The following MACROD2 variants were observed in gnomAD, a reference collection of about 807,000 sequenced individuals.
MACROD2 encodes the protein ADP-ribose glycohydrolase MACROD2.
MACROD2 carries 36 observed loss-of-function variants against 70.4 expected under a neutral mutation model. The observed-to-expected ratio is 0.51, with a 90% confidence interval of 0.39 to 0.68. The LOEUF is 0.68. Ranked by LOEUF, MACROD2 falls within the 30% of genes least tolerant of loss-of-function variation. The pLI is 0.00. For missense variants in MACROD2, 496 were observed against 538.4 expected, an observed-to-expected ratio of 0.92 and a Z score of 0.78; for synonymous variants, 172 against 178.8, an observed-to-expected ratio of 0.96 and a Z score of 0.30.
In MACROD2 at chr20:14,968,642, G is replaced by A. The variant is rs528896770; in HGVS notation, c.419-261298G>A. ...GAAGGGCTTGTTCAAGCACAGACTGGGGGGCTCCACCCCCAGAGTTTCTGA... is the reference window on the plus strand; with the variant it reads ...GAAGGGCTTGTTCAAGCACAGACTGAGGGGCTCCACCCCCAGAGTTTCTGA... On this transcript the variant is annotated intron_variant, in intron 5 of 17. Transcript: ENST00000684519. 2.6e-5 allele frequency among the ~76,000 whole-genome samples: 4 copies of A among 152,288 alleles called. No individual in the cohort carries two copies. In the East Asian group the frequency reaches 7.7e-4, roughly 29 times the overall value.
chr20:15,452,555 T>G (rs1044581322), intron 7 of MACROD2, among the ~76,000 whole-genome samples: 1 of 152,132 alleles, frequency 6.6e-6, no homozygotes, highest in Non-Finnish European at 1.5e-5. Flanking sequence ...GAGTCTCTCT[T>G]CTCTCCCATC....
At chr20:15,445,911 A>G (rs147562684) in intron 7 of MACROD2, among the ~76,000 whole-genome samples, 13 of 152,266 alleles carry the variant, frequency 8.5e-5, no homozygotes, top group African/African-American at 2.9e-4. Context: ...GAATCAGACA[A>G]TCATGAACCC....
intron 5 of MACROD2, among the ~76,000 whole-genome samples, chr20:14,859,832 A>T (rs2073295487): frequency 6.6e-6 from 1 of 152,140 alleles, no homozygotes; most frequent in South Asian, 2.1e-4. Context: ...AATAATTGTC[A>T]TTCTCAGTTC....
chr20:14,776,069 A>C (rs1461439827), intron 5 of MACROD2, among the ~76,000 whole-genome samples: 6 of 151,992 alleles, frequency 3.9e-5, no homozygotes, highest in African/African-American at 1.2e-4. Context: ...GAAGAACCAG[A>C]TATTGCCATG....
chr20:14,007,976 T>A (rs2052845909), intron 2 of MACROD2, among the ~76,000 whole-genome samples: 1 of 152,174 alleles, frequency 6.6e-6, no homozygotes, highest in Non-Finnish European at 1.5e-5. Flanking sequence ...AAAATATTTT[T>A]AAAAATTGGT....
intron 5 of MACROD2, among the ~76,000 whole-genome samples, chr20:15,010,516 G>A (rs559309592): frequency 2.0e-5 from 3 of 152,282 alleles, no homozygotes; most frequent in African/African-American, 7.2e-5. Flanking sequence ...TAAATGCAGC[G>A]AGATGAGAAC....
intron 5 of MACROD2, among the ~76,000 whole-genome samples, chr20:15,219,207 A>G (rs2076837199): frequency 6.6e-6 from 1 of 152,224 alleles, no homozygotes; most frequent in East Asian, 1.9e-4. Flanking sequence ...TTGGAAAAGT[A>G]AATATTATTT....
intron 4 of MACROD2, among the ~76,000 whole-genome samples, chr20:14,530,857 C>T (rs1391060853): frequency 6.6e-6 from 1 of 152,202 alleles, no homozygotes; most frequent in Non-Finnish European, 1.5e-5. Context: ...AATCAGTACA[C>T]TATGCTTCAT....
intron 3 of MACROD2, among the ~76,000 whole-genome samples, chr20:14,283,832 A>G (rs1383635114): frequency 6.6e-6 from 1 of 152,172 alleles, no homozygotes; most frequent in Admixed American, 6.6e-5. Flanking sequence ...AAAACTGGCT[A>G]CAGTCTTCAA....
chr20:14,918,617 G>GTTTT (rs201821065), intron 5 of MACROD2, among the ~76,000 whole-genome samples: 3 of 127,782 alleles, frequency 2.3e-5, no homozygotes, highest in Non-Finnish European at 3.4e-5. Context: ...TGTTTTTTTT[G>GTTTT]TTTTTTTTTT....
intron 3 of MACROD2, among the ~76,000 whole-genome samples, chr20:14,480,669 A>T (rs1443495388): frequency 6.6e-6 from 1 of 152,216 alleles, no homozygotes; most frequent in African/African-American, 2.4e-5. Context: ...TCTATTATAG[A>T]ATCCACAGCT....
intron 4 of MACROD2, among the ~76,000 whole-genome samples, chr20:14,527,168 C>A (rs2085243533): frequency 6.6e-6 from 1 of 152,198 alleles, no homozygotes; most frequent in African/African-American, 2.4e-5. Context: ...CTGCCGACGT[C>A]TGTCAGTTTG....
chr20:16,010,212 G>C (rs977829013), intron 15 of MACROD2, among the ~76,000 whole-genome samples: 1 of 152,192 alleles, frequency 6.6e-6, no homozygotes, highest in Non-Finnish European at 1.5e-5. Context: ...AGTTGGGCTA[G>C]TGGCGCATGT....
intron 5 of MACROD2, among the ~76,000 whole-genome samples, chr20:14,766,622 C>G (rs2072093151): frequency 6.6e-6 from 1 of 151,944 alleles, no homozygotes; most frequent in East Asian, 1.9e-4. Context: ...CAGTTAATGG[C>G]TATTGAAAGA....
intron 10 of MACROD2, among the ~76,000 whole-genome samples, chr20:15,914,516 T>G (rs2065283989): frequency 6.6e-6 from 1 of 152,196 alleles, no homozygotes; most frequent in African/African-American, 2.4e-5. Context: ...GCATACACCT[T>G]TCAGTATTTG....
intron 8 of MACROD2, among the ~76,000 whole-genome samples, chr20:15,537,751 G>A (rs1385667729): frequency 6.6e-6 from 1 of 152,096 alleles, no homozygotes; most frequent in African/African-American, 2.4e-5. Flanking sequence ...TGGGATTACA[G>A]GCATGAGCCA....
At chr20:14,834,314 T>A (rs1316383015) in intron 5 of MACROD2, among the ~76,000 whole-genome samples, 2 of 151,720 alleles carry the variant, frequency 1.3e-5, no homozygotes, top group Non-Finnish European at 2.9e-5. Context: ...TATAAGCAAA[T>A]TGATAGAAAA....
At chr20:14,860,176 C>A (rs1276203334) in intron 5 of MACROD2, among the ~76,000 whole-genome samples, 1 of 152,114 alleles carries the variant, frequency 6.6e-6, no homozygotes, top group East Asian at 1.9e-4. Context: ...CTGGTTGCTT[C>A]CTGAATTGTA....
intron 3 of MACROD2, among the ~76,000 whole-genome samples, chr20:14,091,416 C>G (rs2054147516): frequency 6.6e-6 from 1 of 152,056 alleles, no homozygotes; most frequent in Admixed American, 6.6e-5. Context: ...AGATTTATCT[C>G]ATAGCAGGGT....
Sources: gnomAD v4.1 joint callset for allele counts (sites outside exome capture counted in the v4.1 genomes callset) on GRCh38, gnomAD v4.1.1 for gene constraint, MANE v1.5 for transcripts, NCBI Gene and HGNC (gene_info 2026-07-23, HGNC 2026-07-21) for gene names.